The following ITPR2 variants were observed in gnomAD, a reference collection of about 807,000 sequenced individuals.
ITPR2 encodes inositol 1,4,5-trisphosphate-gated calcium channel ITPR2.
In ITPR2, 207 loss-of-function variants were observed where a neutral mutation model predicts 317.1. That is an observed-to-expected ratio of 0.65 (90% CI 0.58 to 0.73). The LOEUF (loss-of-function observed/expected upper bound fraction) is 0.73. ITPR2 is among the 30% of genes least tolerant of loss of function. The pLI is 0.00. For missense variants in ITPR2, 2,613 were observed against 3,284.0 expected (o/e 0.80, Z 4.99); for synonymous variants, 1,156 against 1,149.1 (o/e 1.01, Z -0.12).
At chr12:26,645,083 T>C (rs1208008896) in intron 21 of ITPR2, among the ~76,000 whole-genome samples, 1 of 152,120 alleles carries the variant, frequency 6.6e-6, no homozygotes. Context: ...TCTCCCTTTC[T>C]CAATCTTGCT....
intron 22 of ITPR2, among the ~76,000 whole-genome samples, chr12:26,630,911 G>C (rs1946737487): frequency 6.6e-6 from 1 of 152,116 alleles, no homozygotes; most frequent in Admixed American, 6.6e-5. Context: ...TCAGGGTCAT[G>C]AACACAGCAT....
At chr12:26,679,674 TTTC>T (rs1292269098) in intron 13 of ITPR2, among the ~76,000 whole-genome samples, 1 of 152,188 alleles carries the variant, frequency 6.6e-6, no homozygotes, top group Non-Finnish European at 1.5e-5. Flanking sequence ...TGTGTCTAGT[TTTC>T]TTTTTTATTT....
intron 12 of ITPR2, 52 bp downstream of exon 12, chr12:26,682,522 C>T (rs1226497399): frequency 9.0e-7 from 1 of 1,110,128 alleles, no homozygotes; most frequent in African/African-American, 1.5e-5. Flanking sequence ...CTATCCTAAT[C>T]CTATTCTCAT....
chr12:26,361,812 T>C (rs1938839398), intron 55 of ITPR2, among the ~76,000 whole-genome samples: 1 of 152,240 alleles, frequency 6.6e-6, no homozygotes, highest in Admixed American at 6.5e-5. Context: ...TAACGTGAGG[T>C]TGAAATTATT....
chr12:26,578,198 AC>A (rs1004201885), intron 34 of ITPR2, among the ~76,000 whole-genome samples: 1 of 133,100 alleles, frequency 7.5e-6, no homozygotes, highest in African/African-American at 2.6e-5. Context: ...CTCTCTCGAC[AC>A]CCCACCCCCA....
chr12:26,762,763 CTTG>C (rs1949660025), intron 2 of ITPR2, among the ~76,000 whole-genome samples: 1 of 152,026 alleles, frequency 6.6e-6, no homozygotes, highest in Non-Finnish European at 1.5e-5. Flanking sequence ...GCTATAATAA[CTTG>C]TTAATGGATA....
At chr12:26,576,717 A>G (rs1046797141) in intron 34 of ITPR2, among the ~76,000 whole-genome samples, 3 of 152,202 alleles carry the variant, frequency 2.0e-5, no homozygotes, top group Non-Finnish European at 4.4e-5. Flanking sequence ...GGAGTGGCCC[A>G]GGATAGAGAG....
chr12:26,671,177 C>T (rs1268102405), intron 13 of ITPR2, among the ~76,000 whole-genome samples: 1 of 152,144 alleles, frequency 6.6e-6, no homozygotes, highest in Non-Finnish European at 1.5e-5. Context: ...GGACAACATT[C>T]AGATTCAGGA....
Position 26,398,909 on chromosome 12 carries a change from C to A in ITPR2, c.7663G>T (p.Glu2555Ter). ...ADLRSEKQKK[E>*]EILKTTCFIC... Reference sequence around the variant, plus strand: ...AAACAAGTTGTCTTTAGAATTTCTTCTTTTTTCTGTTTTTCGCTTCTGAGA... The same window carrying A: ...AAACAAGTTGTCTTTAGAATTTCTTATTTTTTCTGTTTTTCGCTTCTGAGA... Residue 2555 changes from glutamate to a stop codon, truncating the protein, a stop_gained, in exon 54 of 57, where the codon GAA (glutamate) becomes TAA (stop). Coordinates refer to ENST00000381340, the MANE Select transcript of ITPR2 (RefSeq NM_002223.4). LOFTEE classifies it high-confidence loss of function. 1 of 1,610,816 alleles carries A rather than the reference C, an allele frequency of 6.2e-7. No homozygotes were observed. The highest frequency in any genetic ancestry group is 8.5e-7 in the Non-Finnish European group (1 of 1,179,158).
intron 52 of ITPR2, chr12:26,406,702 C>T (rs914009190): frequency 1.3e-5 from 2 of 152,146 alleles, no homozygotes; most frequent in Admixed American, 6.5e-5. Context: ...TGGTCTTAGA[C>T]ATAGAAGTTA....
chr12:26,681,782 G>C, intron 13 of ITPR2, 92 bp downstream of exon 13: 1 of 903,134 alleles, frequency 1.1e-6, no homozygotes, highest in Non-Finnish European at 1.7e-6. Context: ...AGAATGTTCT[G>C]AATATTCCCT....
rs1948737508 is a variant in ITPR2 at position 26,716,212 on chromosome 12, G to A, written c.556C>T (p.Pro186Ser). The A allele has an allele frequency of 1.2e-6, 2 of 1,612,626 alleles. No individual in the cohort carries two copies. Among genetic ancestry groups the A allele is most frequent in the Non-Finnish European group, 1.7e-6 (2 of 1,179,080 alleles). ...IVVGDKVVLM[P>S]VNAGQPLHAS... ...TGTAGTGGCTGCCCTGCATTCACAG[G>A]CATCAAAACAACTTTATCTCCTACA... The change falls in exon 6 of 57, where the codon CCT becomes TCT. Residue 186 changes from proline (P) to serine (S), a missense_variant. Pro to Ser is a moderately conservative substitution (Grantham distance 74). Coordinates refer to ENST00000381340, the MANE Select transcript of ITPR2 (RefSeq NM_002223.4).
intron 49 of ITPR2, 96 bp downstream of exon 49, chr12:26,427,817 A>G: frequency 1.4e-6 from 1 of 692,976 alleles, no homozygotes; most frequent in Non-Finnish European, 2.1e-6. Flanking sequence ...AGAATTCACC[A>G]TGCATACATG....
At chr12:26,761,600 C>A (rs1949634839) in intron 2 of ITPR2, among the ~76,000 whole-genome samples, 3 of 152,182 alleles carry the variant, frequency 2.0e-5, no homozygotes, top group Admixed American at 2.0e-4. Context: ...TTGAGACCAG[C>A]CTGGGCAACA....
intron 2 of ITPR2, among the ~76,000 whole-genome samples, chr12:26,788,020 T>G (rs1950286002): frequency 1.3e-5 from 2 of 151,272 alleles, no homozygotes; most frequent in Admixed American, 6.6e-5. Flanking sequence ...TGCCTCCCAT[T>G]CAGGTGATTC....
chr12:26,574,230 A>C (rs201775234), intron 34 of ITPR2, among the ~76,000 whole-genome samples: 2 of 151,748 alleles, frequency 1.3e-5, no homozygotes, highest in Non-Finnish European at 2.9e-5. Flanking sequence ...AAAAAAAAAA[A>C]CAGCCTATTC....
chr12:26,572,534 G>C (rs1407023160), intron 34 of ITPR2, among the ~76,000 whole-genome samples: 4 of 152,168 alleles, frequency 2.6e-5, no homozygotes. Flanking sequence ...TTCTAGAATG[G>C]AATCGTTAAG....
intron 52 of ITPR2, among the ~76,000 whole-genome samples, chr12:26,408,163 G>C (rs1447776768): frequency 6.6e-6 from 1 of 152,098 alleles, no homozygotes; most frequent in Non-Finnish European, 1.5e-5. Context: ...GTTCTATAAA[G>C]GCCAGAATCA....
chr12:26,352,604 T>C (rs1325946819), intron 55 of ITPR2, among the ~76,000 whole-genome samples: 1 of 151,864 alleles, frequency 6.6e-6, no homozygotes, highest in Admixed American at 6.6e-5. Flanking sequence ...CACAGGGAGG[T>C]GATACCACAG....
Sources: gnomAD v4.1 joint callset for allele counts (sites outside exome capture counted in the v4.1 genomes callset) on GRCh38, gnomAD v4.1.1 for gene constraint, MANE v1.5 for transcripts, NCBI Gene and HGNC (gene_info 2026-07-23, HGNC 2026-07-21) for gene names.